FAM221A: variants seen among roughly 807,000 people sequenced by gnomAD.
The protein encoded by FAM221A is protein FAM221A.
A neutral mutation model predicts 37.6 loss-of-function variants in FAM221A; 43 were observed. The ratio of observed to expected loss-of-function variants is 1.15; its 90% CI spans 0.90 to 1.48. The LOEUF is 1.48. FAM221A is among the 40% of genes most tolerant of loss of function. FAM221A has a pLI of 0.00. For synonymous variants in FAM221A, 135 were observed against 132.9 expected (o/e 1.02, Z -0.11); for missense variants, 361 against 361.5 (o/e 1.00, Z 0.01).
At chr7:23,686,298 CTG>C (rs1450956672) in intron 2 of FAM221A, 2 of 427,804 alleles carry the variant, frequency 4.7e-6, no homozygotes, top group African/African-American at 4.4e-5. Context: ...GGGTCTTACT[CTG>C]TCACTCAGGT....
intron 5 of FAM221A, among the ~76,000 whole-genome samples, chr7:23,699,805 G>A (rs896386455): frequency 3.3e-5 from 5 of 151,994 alleles, no homozygotes; most frequent in Admixed American, 6.6e-5. Context: ...ACCTCCCAAA[G>A]TGCTGGGACT....
chr7:23,689,353 C>T lies in FAM221A; in HGVS notation c.324C>T (p.Cys108=). ...CCTGCCAAGTGACTGGCTGCCAGTG[C>T]AGGGCTTACCTTTATGTCCCCTTGA... The part of the protein sequence containing the change: ...DLPCQVTGCQ[C]RAYLYVPLNG... The change falls in exon 3 of 7, where the codon TGC becomes TGT. Residue 108 remains cysteine, a synonymous_variant. Coordinates refer to ENST00000344962, the MANE Select transcript of FAM221A (RefSeq NM_199136.5). The T allele has an allele frequency of 6.2e-7, 1 of 1,607,276 alleles. No individual in the cohort carries two copies. The highest frequency in any genetic ancestry group is 2.2e-5 in the East Asian group (1 of 44,646).
chr7:23,682,933 T>C (rs1784144631), intron 1 of FAM221A, among the ~76,000 whole-genome samples: 1 of 152,240 alleles, frequency 6.6e-6, no homozygotes, highest in Non-Finnish European at 1.5e-5. Context: ...CAGAATTAAA[T>C]GCCCTTTGTT....
chr7:23,680,583 A>G (rs1783970396), intron 1 of FAM221A: 8 of 375,100 alleles, frequency 2.1e-5, no homozygotes. Flanking sequence ...TTAAATGGCC[A>G]TTGAAAACAG....
intron 4 of FAM221A, among the ~76,000 whole-genome samples, chr7:23,696,852 C>T (rs961143336): frequency 3.3e-5 from 5 of 152,142 alleles, no homozygotes; most frequent in Admixed American, 2.0e-4. Flanking sequence ...CCGAGGAAAC[C>T]TCTTGCTGGA....
chr7:23,682,485 G>A (rs1162333018), intron 1 of FAM221A, among the ~76,000 whole-genome samples: 1 of 149,998 alleles, frequency 6.7e-6, no homozygotes, highest in Non-Finnish European at 1.5e-5. Flanking sequence ...AGGCTGGAGT[G>A]CAGTGGCGCT....
intron 1 of FAM221A, among the ~76,000 whole-genome samples, chr7:23,681,816 TGAG>T (rs1784059015): frequency 6.6e-6 from 1 of 152,194 alleles, no homozygotes; most frequent in South Asian, 2.1e-4. Context: ...AAACAGGACT[TGAG>T]TACCTAGATA....
intron 4 of FAM221A, chr7:23,693,106 A>G (rs1584273256): frequency 6.6e-6 from 1 of 152,204 alleles, no homozygotes; most frequent in East Asian, 1.9e-4. Flanking sequence ...TGTTCATGGC[A>G]TTTAGATTTC....
downstream of FAM221A, chr7:23,702,704 T>G (rs1299134010): frequency 6.6e-6 from 1 of 152,328 alleles, no homozygotes; most frequent in Non-Finnish European, 1.5e-5. Context: ...GCTGAAGATA[T>G]CTACTGATTT....
chr7:23,688,700 G>C (rs567735955), intron 2 of FAM221A: 1 of 150,734 alleles, frequency 6.6e-6, no homozygotes, highest in African/African-American at 2.4e-5. Flanking sequence ...GCAATGGTAC[G>C]ATCTGGGCTC....
rs1309276834 is a variant in FAM221A, at chr7:23,691,580, A to G, written c.621A>G (p.Leu207=). The change falls in exon 4 of 7, where the codon TTA becomes TTG. Residue 207 remains leucine (L), a synonymous_variant. Coordinates refer to ENST00000344962, the MANE Select transcript of FAM221A (RefSeq NM_199136.5). The stretch of plus-strand genomic sequence containing the variant: ...CGCTGGCGGAAGGCTACATGCGGTT[A>G]GATGACAGTGGGATTGGTAAGTGAT... ...FSSLAEGYMR[L]DDSGIGVPSV... The G allele has an allele frequency of 3.1e-6, 5 of 1,614,130 alleles. No homozygotes were observed. Among genetic ancestry groups the G allele is most frequent in the Non-Finnish European group, 4.2e-6 (5 of 1,179,962 alleles).
Position 23,702,050 on chromosome 7 carries a change from G to T in FAM221A, c.829-46G>T, listed in dbSNP as rs549162933. The T allele has an allele frequency of 3.0e-6, 4 of 1,334,628 alleles. No individual in the cohort carries two copies. The African/African-American group carries it at 4.5e-5, about 15-fold the overall frequency. 82.7% of individuals were successfully genotyped at this position (1,334,628 alleles called of 1,614,324 possible). A position where few individuals can be genotyped will look rare whatever the true frequency, so the allele number is the denominator to read the frequency against. On this transcript the variant is annotated intron_variant, in intron 6 of 6. Transcript: ENST00000344962. ...GTTTTCTGCAAGTTTTTTTTCTTTA[G>T]AATGGTTTACAAGTTATTATATCAA...
intron 1 of FAM221A, among the ~76,000 whole-genome samples, chr7:23,682,439 A>T (rs4722250): frequency 0.34 from 27,034 of 79,050 alleles, 3,134 homozygotes; most frequent in Admixed American, 0.42. Context: ...TATTATTATT[A>T]TTTTTTTTTT....
At chr7:23,692,732 TTC>T in intron 4 of FAM221A, 1 of 982,468 alleles carries the variant, frequency 1.0e-6, no homozygotes. Context: ...CCTTGAATAC[TTC>T]TCTTTGTCTA....
chr7:23,682,756 G>T (rs573853474), intron 1 of FAM221A, among the ~76,000 whole-genome samples: 1 of 152,082 alleles, frequency 6.6e-6, no homozygotes, highest in Admixed American at 6.5e-5. Context: ...GATCCCCTGG[G>T]GATTCTGTAA....
intron 4 of FAM221A, chr7:23,693,314 T>C (rs1330297578): frequency 6.6e-6 from 1 of 152,220 alleles, no homozygotes; most frequent in Non-Finnish European, 1.5e-5. Context: ...AGGCTAATCA[T>C]TGATATTATT....
chr7:23,697,046 T>C (rs1785102688), intron 4 of FAM221A, among the ~76,000 whole-genome samples: 1 of 140,516 alleles, frequency 7.1e-6, no homozygotes, highest in Admixed American at 6.8e-5. Flanking sequence ...AGGGAGTCTG[T>C]ACTTATAGTC....
At chr7:23,696,540 G>A (rs1486998689) in intron 4 of FAM221A, among the ~76,000 whole-genome samples, 3 of 152,144 alleles carry the variant, frequency 2.0e-5, no homozygotes, top group African/African-American at 7.2e-5. Context: ...CTCCAGCCTG[G>A]GTGACAGAGT....
chr7:23,680,517 G>T (rs981301169), intron 1 of FAM221A, among the ~76,000 whole-genome samples: 1 of 152,186 alleles, frequency 6.6e-6, no homozygotes, highest in Admixed American at 6.5e-5. Context: ...AGGCCCCTCT[G>T]CTCCCTTCCA....
Sources: allele counts gnomAD v4.1 joint callset (sites outside exome capture counted in the v4.1 genomes callset), GRCh38; gene constraint gnomAD v4.1.1; transcripts MANE v1.5; gene names NCBI Gene and HGNC (gene_info 2026-07-23, HGNC 2026-07-21).